MFRP: variants seen among roughly 807,000 people sequenced by gnomAD.
MFRP encodes C1q and TNF related 5.
In MFRP, 74 loss-of-function variants were observed where a neutral mutation model predicts 65.8. The ratio of observed to expected loss-of-function variants is 1.12; its 90% CI spans 0.93 to 1.36. The LOEUF is 1.36. MFRP is among the 40% of genes most tolerant of loss of function. The probability of loss-of-function intolerance (pLI) is 0.00; values close to 1 mark genes in which losing one functional copy is unlikely to be tolerated. For synonymous variants in MFRP, 336 were observed against 288.3 expected, an observed-to-expected ratio of 1.17 and a Z score of -1.68; for missense variants, 838 against 736.0, an observed-to-expected ratio of 1.14 and a Z score of -1.60.
chr11:119,346,640 G>T lies in MFRP; in HGVS notation c.-127C>A. 2.2e-6 allele frequency: 2 copies of T among 929,758 alleles called. No individual in the cohort carries two copies. The highest frequency in any genetic ancestry group is 3.5e-6 in the Non-Finnish European group (2 of 575,684). 57.6% of individuals were successfully genotyped at this position (929,758 alleles called of 1,614,324 possible). ...ACTACCCGAGGGAAAAGGCTGCCAG[G>T]CTAGACCAGTTCTTGGGCTGTCCTT... On this transcript the variant is annotated 5_prime_UTR_variant, in exon 1 of 15. Transcript: ENST00000619721.
intron 10 of MFRP, 24 bp downstream of exon 10, chr11:119,342,849 A>C: frequency 6.2e-7 from 1 of 1,612,704 alleles, no homozygotes; most frequent in Non-Finnish European, 8.5e-7. Flanking sequence ...TACTGCCCCC[A>C]CCCACTTGCC....
At chr11:119,346,223 G>A (rs749811375) in intron 2 of MFRP, 49 bp downstream of exon 2, 4 of 1,569,454 alleles carry the variant, frequency 2.5e-6, no homozygotes, top group Non-Finnish European at 3.5e-6. Context: ...GCTGTCCTTG[G>A]CTCCTGGGCC....
At position 119,344,818 on chromosome 11, in the gene MFRP, G is replaced by A. The variant is rs1269890443; in HGVS notation, c.772+56C>T. On this transcript the variant is annotated intron_variant, in intron 6 of 14. Coordinates refer to ENST00000619721, the MANE Select transcript of MFRP (RefSeq NM_031433.4). ...GTCTCCACCCCTTTGACAGGACTGG[G>A]AGTGGGTGGAGGGGAAGAAAGTGGA... The A allele has an allele frequency of 1.9e-6, 3 of 1,613,512 alleles. No individual in the cohort carries two copies. In the African/African-American group the frequency reaches 4.0e-5, roughly 22 times the overall value.
chr11:119,342,079 G>C (rs1950508636), intron 11 of MFRP, 95 bp from the exon 12 acceptor site: 3 of 1,478,580 alleles, frequency 2.0e-6, no homozygotes, highest in Non-Finnish European at 2.8e-6. Flanking sequence ...TGTGTACATG[G>C]GTCCAATGGG....
chr11:119,341,333 AGT>A lies in MFRP; in HGVS notation c.*213_*214del. On this transcript the variant is annotated 3_prime_UTR_variant, in exon 13 of 15. Transcript: ENST00000619721. ...TTGTCCGGTGGCACAGTGTGGGGCCAGTCAGCAGCCTGGGACCGGTAAAGGGA... is the reference window on the plus strand; with the variant it reads ...TTGTCCGGTGGCACAGTGTGGGGCCACAGCAGCCTGGGACCGGTAAAGGGA... 1.7e-6 allele frequency: 1 copy of A among 591,972 alleles called. No individual in the cohort carries two copies. The highest frequency in any genetic ancestry group is 3.0e-6 in the Non-Finnish European group (1 of 332,438). The allele number at this position is 591,972 out of a possible 1,614,324, so 36.7% of individuals were successfully genotyped here.
In MFRP at chr11:119,343,844, T is replaced by C; in HGVS notation, c.1096A>G (p.Ser366Gly). ...CCCAGGAGGCTGAAGGCCCCTGAGC[T>C]GCTGGTCTCATACACCTCCACGTAG... ...FDYVEVYETS[S>G]SGAFSLLGRF... The change falls in exon 9 of 15, where the codon AGC (serine) becomes GGC (glycine). Residue 366 changes from serine (S) to glycine (G), a missense_variant. Physicochemically the swap from Ser to Gly is moderately conservative, Grantham distance 56. Transcript: ENST00000619721. 6.2e-7 allele frequency: 1 copy of C among 1,614,018 alleles called. No homozygotes were observed. Among genetic ancestry groups the C allele is most frequent in the Non-Finnish European group, 8.5e-7 (1 of 1,180,020 alleles).
Position 119,342,609 on chromosome 11 carries a change from C to A in MFRP, c.1374G>T (p.Leu458Phe), listed in dbSNP as rs145881139. The change falls in exon 11 of 15, where the codon TTG becomes TTT. Residue 458 changes from leucine (L) to phenylalanine (F), a missense_variant. Leu to Phe is a conservative substitution (Grantham distance 22). Transcript: ENST00000619721. ...DGSDDNCSGPLFPPPELACEP... is the reference protein window; with the variant it reads ...DGSDDNCSGPFFPPPELACEP... ...CAGGCTTCTCACCTGGGGGTGGGAA[C>A]AAGGGGCCGCTGCAGTTGTCATCGC... The A allele has an allele frequency of 8.2e-3, 13,173 of 1,613,338 alleles. 87 individuals carry two copies. Among genetic ancestry groups the A allele is most frequent in the Middle Eastern group, 0.033 (201 of 6,060 alleles).
chr11:119,344,336 C>G lies in MFRP; in HGVS notation c.954G>C (p.Leu318=). 1 of 1,613,870 alleles carries G rather than the reference C, an allele frequency of 6.2e-7. No homozygotes were observed. The change falls in exon 8 of 15, where the codon CTG becomes CTC. Residue 318 remains leucine (L), a synonymous_variant. Transcript: ENST00000619721. ...TTACCAGTTGGTGAGGGTACTGCTG[C>G]AGGTAGCTGGGAGTAGAGAAAGTGC... is the stretch of plus-strand genomic sequence containing the variant. The part of the protein sequence containing the change: ...LQGTFSTPSY[L]QQYPHQLLCT...
chr11:119,345,155 A>G (rs1034552203), intron 5 of MFRP, 151 bp from the exon 6 acceptor site: 6 of 1,031,242 alleles, frequency 5.8e-6, no homozygotes, highest in Non-Finnish European at 7.1e-6. Context: ...GGGAGCTCTG[A>G]CCTTCCTAGC....
In MFRP at chr11:119,344,360, G is replaced by A. The variant is rs764011743; in HGVS notation, c.930C>T (p.Gly310=). ...GCGGNLTGLQ[G]TFSTPSYLQQ... ...GCAGGTAGCTGGGAGTAGAGAAAGT[G>A]CCCTGGAGGCCAGTCAGATTCCCCC... is the stretch of plus-strand genomic sequence containing the variant. The change falls in exon 8 of 15, where the codon GGC becomes GGT. Residue 310 remains glycine (G), a synonymous_variant. Coordinates refer to ENST00000619721, the MANE Select transcript of MFRP (RefSeq NM_031433.4). 9 of 1,614,004 alleles carry A rather than the reference G, an allele frequency of 5.6e-6. No individual in the cohort carries two copies. Among genetic ancestry groups the A allele is most frequent in the Non-Finnish European group, 7.6e-6 (9 of 1,179,992 alleles).
Position 119,343,003 on chromosome 11 carries a change from C to T in MFRP, c.1125G>A (p.Arg375=), listed in dbSNP as rs780870624. 5 of 1,601,668 alleles carry T rather than the reference C, an allele frequency of 3.1e-6. No individual in the cohort carries two copies. In the African/African-American group the frequency reaches 5.4e-5, roughly 17 times the overall value. Residue 375 remains arginine (R), a splice_region_variant and synonymous_variant, in exon 10 of 15, where the codon AGG becomes AGA. Transcript: ENST00000619721. ...GGGGGGGTGGCTCTGCTCCACAGAA[C>T]CTGCCCAAAGCAGACAGCTGTTCTG... ...SSSGAFSLLG[R]FCGAEPPPHL...
intron 1 of MFRP, 24 bp from the exon 2 acceptor site, chr11:119,346,398 G>A: frequency 6.2e-7 from 1 of 1,612,694 alleles, no homozygotes; most frequent in Non-Finnish European, 8.5e-7. Flanking sequence ...ATACTTGAGG[G>A]CTGAGGGCAG....
In MFRP at chr11:119,339,861, C is replaced by A. The variant is rs545270548; in HGVS notation, c.*1111-13G>T. 4.3e-5 allele frequency: 63 copies of A among 1,463,170 alleles called. No homozygotes were observed. In the African/African-American group the frequency reaches 7.7e-4, roughly 18 times the overall value. 90.6% of individuals were successfully genotyped at this position (1,463,170 alleles called of 1,614,324 possible). ...GGTCCCGGCAGTCCTGCGGGGTAAG[C>A]GGGGCGGCAGGGTGAGAGTAGCGGC... On this transcript the variant is annotated splice_polypyrimidine_tract_variant and intron_variant, in intron 14 of 14. Transcript: ENST00000619721. The surrounding 1 kb of genome is among the most constrained non-coding windows in gnomAD (Gnocchi z 5.4).
Position 119,339,263 on chromosome 11 carries a change from A to G in MFRP, c.*1696T>C, listed in dbSNP as rs1950470967. On this transcript the variant is annotated 3_prime_UTR_variant, in exon 15 of 15. Coordinates refer to ENST00000619721, the MANE Select transcript of MFRP (RefSeq NM_031433.4). This position sits in a 1 kb window ranked among gnomAD's most constrained non-coding sequence, Gnocchi z 5.4. ...ATTCCAGGGGGGCCAGCCCTCCTGG[A>G]TGACCTGGTTGTCAGCCTCACACCC... 1.3e-6 allele frequency: 2 copies of G among 1,545,668 alleles called. No individual in the cohort carries two copies. Among genetic ancestry groups the G allele is most frequent in the African/African-American group, 1.4e-5 (1 of 72,976 alleles).
rs1285799947 is a variant in MFRP, at chr11:119,339,592, G to A, written c.*1367C>T. On this transcript the variant is annotated 3_prime_UTR_variant, in exon 15 of 15. Transcript: ENST00000619721. The surrounding 1 kb of genome is among the most constrained non-coding windows in gnomAD (Gnocchi z 5.4). ...ACTGCAGGCTGGCCCGGTAGACGGT[G>A]GCATGGACGGCGAAGTAGTAGACCC... 2.5e-6 allele frequency: 4 copies of A among 1,613,334 alleles called. No homozygotes were observed. Among genetic ancestry groups the A allele is most frequent in the South Asian group, 1.1e-5 (1 of 91,090 alleles).
intron 9 of MFRP, 48 bp downstream of exon 9, chr11:119,343,768 C>T (rs1565293875): frequency 1.9e-6 from 3 of 1,611,548 alleles, no homozygotes; most frequent in Admixed American, 1.7e-5. Flanking sequence ...CCGGGGGTGG[C>T]AGACAGTGAG....
chr11:119,344,774 G>C lies in MFRP; in HGVS notation c.773-17C>G. Reference sequence around the variant, plus strand: ...CACAGCTCCCTGGATGTGGGCACCAGGAGTCAGGGAGGCCCGGAGTCTCCA... The same window carrying C: ...CACAGCTCCCTGGATGTGGGCACCACGAGTCAGGGAGGCCCGGAGTCTCCA... On this transcript the variant is annotated splice_polypyrimidine_tract_variant and intron_variant, in intron 6 of 14. Transcript: ENST00000619721. 1.2e-6 allele frequency: 2 copies of C among 1,613,910 alleles called. No homozygotes were observed. Among genetic ancestry groups the C allele is most frequent in the South Asian group, 2.2e-5 (2 of 91,084 alleles).
Position 119,346,571 on chromosome 11 carries a change from GC to G in MFRP, c.-59del. Reference sequence around the variant, plus strand: ...CTGTGACAGCCCAAGACCCCCAAGGGCCCACTCGCTGACCACAAACTCCCTG... The same window carrying G: ...CTGTGACAGCCCAAGACCCCCAAGGGCCACTCGCTGACCACAAACTCCCTG... On this transcript the variant is annotated 5_prime_UTR_variant, in exon 1 of 15. Coordinates refer to ENST00000619721, the MANE Select transcript of MFRP (RefSeq NM_031433.4). 6.4e-7 allele frequency: 1 copy of G among 1,571,248 alleles called. No individual in the cohort carries two copies. Among genetic ancestry groups the G allele is most frequent in the Non-Finnish European group, 8.8e-7 (1 of 1,142,336 alleles).
chr11:119,343,904 A>G lies in MFRP; in HGVS notation c.1036T>C (p.Phe346Leu). The change falls in exon 9 of 15, where the codon TTC becomes CTC. Residue 346 changes from phenylalanine to leucine, a missense_variant. Physicochemically the swap from Phe to Leu is conservative, Grantham distance 22. Transcript: ENST00000619721. Reference protein sequence around the residue: ...GHSIELQFHNFSLEAQDECKF... With the variant: ...GHSIELQFHNLSLEAQDECKF... ...CACTCGTCCTGAGCCTCCAGGCTGAAGTTGTGGAACTGTAGTTCTATGCTG... is the reference window on the plus strand; with the variant it reads ...CACTCGTCCTGAGCCTCCAGGCTGAGGTTGTGGAACTGTAGTTCTATGCTG... 1.9e-6 allele frequency: 3 copies of G among 1,613,450 alleles called. No homozygotes were observed. The highest frequency in any genetic ancestry group is 2.5e-6 in the Non-Finnish European group (3 of 1,179,908).
Sources: allele counts gnomAD v4.1 joint callset, GRCh38; gene constraint gnomAD v4.1.1; non-coding constraint Gnocchi (gnomAD v3.1); transcripts MANE v1.5; gene names NCBI Gene and HGNC (gene_info 2026-07-23, HGNC 2026-07-21).